CLSTN2: variants seen among roughly 807,000 people sequenced by gnomAD.
The protein encoded by CLSTN2 is calsyntenin-2.
In CLSTN2, 48 loss-of-function variants were observed where a neutral mutation model predicts 101.2. That is an observed-to-expected ratio of 0.47 (90% CI 0.38 to 0.60). CLSTN2 has a LOEUF of 0.60. Ranked by LOEUF, CLSTN2 falls within the 20% of genes least tolerant of loss-of-function variation. The pLI is 0.00. For missense variants in CLSTN2, 1,160 were observed against 1,238.2 expected (o/e 0.94, Z 0.95); for synonymous variants, 481 against 463.6 (o/e 1.04, Z -0.48).
chr3:139,944,684 C>G (rs892019650), intron 1 of CLSTN2, among the ~76,000 whole-genome samples: 1 of 152,254 alleles, frequency 6.6e-6, no homozygotes, highest in Non-Finnish European at 1.5e-5. Flanking sequence ...GAGGGGGTGA[C>G]TGGTGCTAGG....
At chr3:140,185,911 C>A (rs182173279) in intron 2 of CLSTN2, among the ~76,000 whole-genome samples, 76 of 152,288 alleles carry the variant, frequency 5.0e-4, no homozygotes, top group Admixed American at 3.3e-3. Flanking sequence ...TGAATTTCCA[C>A]AAAATCATCT....
At chr3:140,552,421 A>G (rs1332235955) in intron 10 of CLSTN2, among the ~76,000 whole-genome samples, 1 of 143,040 alleles carries the variant, frequency 7.0e-6, no homozygotes, top group Non-Finnish European at 1.6e-5. Context: ...AAAAAAAAAG[A>G]ACACCCAAAA....
At chr3:140,407,319 C>T (rs1221871688) in intron 4 of CLSTN2, among the ~76,000 whole-genome samples, 1 of 152,170 alleles carries the variant, frequency 6.6e-6, no homozygotes, top group Non-Finnish European at 1.5e-5. Flanking sequence ...TGTCTCCTGG[C>T]CCCTCCAACT....
chr3:140,142,867 G>A (rs2009721830), intron 1 of CLSTN2, among the ~76,000 whole-genome samples: 1 of 152,152 alleles, frequency 6.6e-6, no homozygotes, highest in Admixed American at 6.5e-5. Flanking sequence ...CACCCCACAG[G>A]AAGTCAGAGG....
intron 10 of CLSTN2, among the ~76,000 whole-genome samples, chr3:140,549,151 T>A (rs1282153609): frequency 1.5e-5 from 2 of 129,248 alleles, no homozygotes; most frequent in Admixed American, 1.6e-4. Context: ...CTAAATTTAC[T>A]CTTTGCATCT....
intron 2 of CLSTN2, among the ~76,000 whole-genome samples, chr3:140,367,508 T>A (rs1324788844): frequency 1.8e-4 from 15 of 81,610 alleles, no homozygotes; most frequent in African/African-American, 7.4e-4. Flanking sequence ...CAACACTTTG[T>A]CTCAAAAAAA....
intron 1 of CLSTN2, among the ~76,000 whole-genome samples, chr3:140,102,565 C>G (rs187850937): frequency 6.6e-6 from 1 of 152,318 alleles, no homozygotes; most frequent in East Asian, 1.9e-4. Flanking sequence ...AGATTTCCCA[C>G]AAGCCAGGAA....
In CLSTN2 at chr3:140,546,585, T is replaced by G. The variant is rs770588281; in HGVS notation, c.1578T>G (p.Pro526=). 6.2e-7 allele frequency: 1 copy of G among 1,614,134 alleles called. No individual in the cohort carries two copies. The highest frequency in any genetic ancestry group is 1.3e-5 in the African/African-American group (1 of 75,054). ...HGSLASLTIR[P]GKMESQKVIS... Reference sequence around the variant, plus strand: ...GCCTGGCCAGTCTCACCATCCGCCCTGGCAAAATGGAAAGCCAGAAGGTGA... The same window carrying G: ...GCCTGGCCAGTCTCACCATCCGCCCGGGCAAAATGGAAAGCCAGAAGGTGA... The change falls in exon 10 of 17, where the codon CCT becomes CCG. Residue 526 remains proline (P), a synonymous_variant. Coordinates refer to ENST00000458420, the MANE Select transcript of CLSTN2 (RefSeq NM_022131.3).
intron 1 of CLSTN2, among the ~76,000 whole-genome samples, chr3:139,950,167 T>A (rs1369263760): frequency 4.6e-5 from 7 of 152,194 alleles, no homozygotes; most frequent in Admixed American, 3.3e-4. Context: ...ATTTACTTTT[T>A]GCTGGGATTC....
intron 8 of CLSTN2, among the ~76,000 whole-genome samples, chr3:140,514,876 A>G (rs569973557): frequency 6.6e-6 from 1 of 152,294 alleles, no homozygotes; most frequent in African/African-American, 2.4e-5. Context: ...TATTAGGGTG[A>G]CACTAGCTTC....
chr3:140,100,938 T>C (rs1246386763), intron 1 of CLSTN2, among the ~76,000 whole-genome samples: 1 of 152,166 alleles, frequency 6.6e-6, no homozygotes, highest in Non-Finnish European at 1.5e-5. Context: ...ATTGGTAGCA[T>C]TGTTGCTGTC....
chr3:140,233,262 C>T (rs889583849), intron 2 of CLSTN2, among the ~76,000 whole-genome samples: 2 of 152,198 alleles, frequency 1.3e-5, no homozygotes, highest in Non-Finnish European at 2.9e-5. Flanking sequence ...CACTCTGCTC[C>T]ACTGACACTT....
intron 1 of CLSTN2, among the ~76,000 whole-genome samples, chr3:139,994,397 T>C (rs974298343): frequency 3.9e-5 from 6 of 152,234 alleles, no homozygotes; most frequent in African/African-American, 1.2e-4. Context: ...GTAGTCATCA[T>C]ACCCACTTAA....
At chr3:140,048,184 A>G (rs1388840559) in intron 1 of CLSTN2, among the ~76,000 whole-genome samples, 7 of 152,218 alleles carry the variant, frequency 4.6e-5, no homozygotes, top group African/African-American at 1.7e-4. Context: ...TGCCTTAAAT[A>G]TTGATATGAG....
At chr3:140,313,877 G>C (rs2087199810) in intron 2 of CLSTN2, among the ~76,000 whole-genome samples, 1 of 152,192 alleles carries the variant, frequency 6.6e-6, no homozygotes, top group South Asian at 2.1e-4. Context: ...AATATTGAGG[G>C]CAGGTCAAAG....
At chr3:140,371,997 G>C (rs2087862708) in intron 2 of CLSTN2, among the ~76,000 whole-genome samples, 1 of 152,144 alleles carries the variant, frequency 6.6e-6, no homozygotes, top group African/African-American at 2.4e-5. Flanking sequence ...TGGGGATCTG[G>C]GTGGAGCAGG....
At chr3:140,178,985 C>T (rs2010366790) in intron 2 of CLSTN2, among the ~76,000 whole-genome samples, 1 of 152,052 alleles carries the variant, frequency 6.6e-6, no homozygotes, top group African/African-American at 2.4e-5. Context: ...TCTGTCTCCC[C>T]CTTTAATTTT....
At chr3:140,095,194 G>A (rs550882829) in intron 1 of CLSTN2, among the ~76,000 whole-genome samples, 1 of 152,254 alleles carries the variant, frequency 6.6e-6, no homozygotes, top group African/African-American at 2.4e-5. Context: ...AGGATGTCTG[G>A]GGGCTAGGAG....
At chr3:140,427,036 C>G (rs1250794733) in intron 5 of CLSTN2, among the ~76,000 whole-genome samples, 3 of 150,330 alleles carry the variant, frequency 2.0e-5, no homozygotes, top group African/African-American at 7.5e-5. Flanking sequence ...ATTAGCCAGG[C>G]ATGGTGGTGC....
Sources: gnomAD v4.1 joint callset for allele counts (sites outside exome capture counted in the v4.1 genomes callset) on GRCh38, gnomAD v4.1.1 for gene constraint, MANE v1.5 for transcripts, NCBI Gene and HGNC (gene_info 2026-07-23, HGNC 2026-07-21) for gene names.